The following WWP2 variants were observed in gnomAD, a reference collection of about 807,000 sequenced individuals.
WWP2 encodes the protein WW domain containing E3 ubiquitin protein ligase 2.
A neutral mutation model predicts 121.0 loss-of-function variants in WWP2; 57 were observed. The observed-to-expected ratio is 0.47, with a 90% confidence interval of 0.38 to 0.59. WWP2 has a LOEUF of 0.59. WWP2 is among the 20% of genes least tolerant of loss of function. The pLI is 0.00. For synonymous variants in WWP2, 449 were observed against 441.3 expected (o/e 1.02, Z -0.22); for missense variants, 962 against 1,158.9 (o/e 0.83, Z 2.47).
At chr16:69,776,758 G>A (rs1043901805) in intron 1 of WWP2, among the ~76,000 whole-genome samples, 2 of 151,712 alleles carry the variant, frequency 1.3e-5, no homozygotes, top group Non-Finnish European at 2.9e-5. Context: ...AACCTGGGAG[G>A]CGGAGGTTGT....
At chr16:69,778,185 T>TAC (rs1315125965) in intron 1 of WWP2, among the ~76,000 whole-genome samples, 1 of 89,826 alleles carries the variant, frequency 1.1e-5, no homozygotes, top group Non-Finnish European at 1.9e-5. Flanking sequence ...TATATATATA[T>TAC]ATATATATTT....
chr16:69,924,607 T>C (rs915681712), intron 10 of WWP2, among the ~76,000 whole-genome samples: 1 of 151,892 alleles, frequency 6.6e-6, no homozygotes, highest in Non-Finnish European at 1.5e-5. Context: ...GGGATTCTAA[T>C]GTAAACAGTG....
At chr16:69,765,118 C>G (rs1020522663) in intron 1 of WWP2, among the ~76,000 whole-genome samples, 3 of 152,024 alleles carry the variant, frequency 2.0e-5, no homozygotes, top group African/African-American at 7.2e-5. Context: ...ATCACCCAAG[C>G]CTGGGGAGGT....
chr16:69,813,795 T>G (rs1255577573), intron 4 of WWP2, among the ~76,000 whole-genome samples: 2 of 152,198 alleles, frequency 1.3e-5, no homozygotes, highest in Non-Finnish European at 2.9e-5. Context: ...CATGCTAAAA[T>G]GATCTCTGGC....
intron 6 of WWP2, among the ~76,000 whole-genome samples, chr16:69,848,459 AAAAC>A (rs1216442423): frequency 4.4e-4 from 67 of 151,650 alleles, no homozygotes; most frequent in Middle Eastern, 3.4e-3. Flanking sequence ...TCAAAAAAAA[AAAAC>A]AAACAAACAA....
Position 69,908,922 on chromosome 16 carries a change from G to T in WWP2, c.1004+72G>T, listed in dbSNP as rs117098275. The T allele has an allele frequency of 1.1e-5, 17 of 1,608,788 alleles. No homozygotes were observed. The South Asian group carries it at 1.7e-4, about 16-fold the overall frequency. On this transcript the variant is annotated intron_variant, in intron 9 of 23. Transcript: ENST00000359154. ...GAGTCACCCAATGGCTTCTTGAAAC[G>T]GTCCCTTTCTGCGGAGGTAGCATAG... is the stretch of plus-strand genomic sequence containing the variant.
intron 8 of WWP2, among the ~76,000 whole-genome samples, chr16:69,905,802 G>T (rs8049373): frequency 0.64 from 96,633 of 152,034 alleles, 31,453 homozygotes; most frequent in East Asian, 0.9. Flanking sequence ...TTCCTTTTCT[G>T]CCCATTCTTC....
Position 69,925,511 on chromosome 16 carries a change from C to T in WWP2, c.1234+27C>T, listed in dbSNP as rs1044306602. On this transcript the variant is annotated intron_variant, in intron 11 of 23. Coordinates refer to ENST00000359154, the MANE Select transcript of WWP2 (RefSeq NM_001270454.2). The surrounding 1 kb of genome is among the most constrained non-coding windows in gnomAD (Gnocchi z 4.0). Reference sequence around the variant, plus strand: ...TAAGTACTGAGTTCTCTTCCTGGCCCTTGGCCTTCCGTCAGCCACGGTGCT... The same window carrying T: ...TAAGTACTGAGTTCTCTTCCTGGCCTTTGGCCTTCCGTCAGCCACGGTGCT... 1.2e-6 allele frequency: 2 copies of T among 1,611,788 alleles called. No individual in the cohort carries two copies. The highest frequency in any genetic ancestry group is 8.5e-7 in the Non-Finnish European group (1 of 1,179,174).
In WWP2 at chr16:69,937,602, A is replaced by G; in HGVS notation, c.2293A>G (p.Ile765Val). ...CATGAGCGACTGGCAGAAGAGCACCATCTACCGGCACTACACCAAGAACAG... is the reference window on the plus strand; with the variant it reads ...CATGAGCGACTGGCAGAAGAGCACCGTCTACCGGCACTACACCAAGAACAG... ...IDMSDWQKST[I>V]YRHYTKNSKQ... The change falls in exon 21 of 24, where the codon ATC becomes GTC. Residue 765 changes from isoleucine (I) to valine (V), a missense_variant. Transcript: ENST00000359154. This position sits in a 1 kb window ranked among gnomAD's most constrained non-coding sequence, Gnocchi z 6.6. 6.2e-7 allele frequency: 1 copy of G among 1,613,952 alleles called. No homozygotes were observed. The highest frequency in any genetic ancestry group is 2.2e-5 in the East Asian group (1 of 44,866).
chr16:69,931,784 G>A lies in WWP2; in HGVS notation c.1594-18G>A, dbSNP rs8056578. 18 of 1,612,764 alleles carry A rather than the reference G, an allele frequency of 1.1e-5. No individual in the cohort carries two copies. Among genetic ancestry groups the A allele is most frequent in the South Asian group, 4.4e-5 (4 of 91,070 alleles). ...GGAAGGGAGAGTGGCAGGCTGGCCC[G>A]ATGCTCTGTCTTCCCAGATCATGAA... On this transcript the variant is annotated intron_variant, in intron 15 of 23. Transcript: ENST00000359154.
intron 1 of WWP2, among the ~76,000 whole-genome samples, chr16:69,775,392 A>G (rs111845105): frequency 0.018 from 2,749 of 152,196 alleles, 81 homozygotes; most frequent in African/African-American, 0.059. Context: ...CCAAGGTGTC[A>G]TGTTTTGGGG....
intron 7 of WWP2, among the ~76,000 whole-genome samples, chr16:69,882,483 G>C (rs180856089): frequency 1.1e-4 from 17 of 152,314 alleles, no homozygotes; most frequent in Admixed American, 5.9e-4. Context: ...ACAATGTAAA[G>C]CATATAAGAT....
At chr16:69,843,513 G>A (rs966683258) in intron 6 of WWP2, among the ~76,000 whole-genome samples, 3 of 152,034 alleles carry the variant, frequency 2.0e-5, no homozygotes, top group East Asian at 1.9e-4. Flanking sequence ...TACAAACTAC[G>A]AATGTAGTTT....
At chr16:69,809,129 C>T (rs1042756477) in intron 4 of WWP2, among the ~76,000 whole-genome samples, 4 of 152,202 alleles carry the variant, frequency 2.6e-5, no homozygotes, top group African/African-American at 4.8e-5. Flanking sequence ...AGCCGTAGCA[C>T]GTTGTGCATG....
Position 69,937,077 on chromosome 16 carries a change from G to A in WWP2, c.2118-41G>A. 3 of 1,605,670 alleles carry A rather than the reference G, an allele frequency of 1.9e-6. No individual in the cohort carries two copies. Among genetic ancestry groups the A allele is most frequent in the Non-Finnish European group, 2.6e-6 (3 of 1,174,418 alleles). ...CCTGGCCGGGAGCCACCCCTGAGCA[G>A]TGGGTCTCAGACTCCACCCATGGCT... On this transcript the variant is annotated intron_variant, in intron 19 of 23. Transcript: ENST00000359154. This position sits in a 1 kb window ranked among gnomAD's most constrained non-coding sequence, Gnocchi z 6.6.
At chr16:69,819,128 C>G (rs12444607) in intron 4 of WWP2, among the ~76,000 whole-genome samples, 1 of 152,126 alleles carries the variant, frequency 6.6e-6, no homozygotes, top group Non-Finnish European at 1.5e-5. Context: ...TTCTGGGATC[C>G]GACCATCTGT....
intron 4 of WWP2, among the ~76,000 whole-genome samples, chr16:69,821,060 C>T (rs1472477925): frequency 6.6e-6 from 1 of 152,222 alleles, no homozygotes; most frequent in Non-Finnish European, 1.5e-5. Context: ...TTGCCCTGAT[C>T]GAGTTGCAGT....
At position 69,917,701 on chromosome 16, in the gene WWP2, A is replaced by G; in HGVS notation, c.1005-8A>G. ...TCATTATATTCATTCTGAGGTTCCT[A>G]TTTCCAGCTGGGAAAAACGCACAGA... is the stretch of plus-strand genomic sequence containing the variant. On this transcript the variant is annotated splice_region_variant and splice_polypyrimidine_tract_variant and intron_variant, in intron 9 of 23. Transcript: ENST00000359154. 1.3e-6 allele frequency: 2 copies of G among 1,596,860 alleles called. No individual in the cohort carries two copies. The highest frequency in any genetic ancestry group is 1.7e-6 in the Non-Finnish European group (2 of 1,165,314).
intron 4 of WWP2, among the ~76,000 whole-genome samples, chr16:69,809,330 C>A (rs1227476215): frequency 6.6e-6 from 1 of 152,110 alleles, no homozygotes; most frequent in Admixed American, 6.6e-5. Flanking sequence ...CTGGTAATTG[C>A]AAATCTTCCC....
Sources: allele counts gnomAD v4.1 joint callset (sites outside exome capture counted in the v4.1 genomes callset), GRCh38; gene constraint gnomAD v4.1.1; non-coding constraint Gnocchi (gnomAD v3.1); transcripts MANE v1.5; gene names NCBI Gene and HGNC (gene_info 2026-07-23, HGNC 2026-07-21).